The following PRR5L variants were observed in gnomAD, a reference collection of about 807,000 sequenced individuals.
The protein encoded by PRR5L is proline rich 5 like.
In PRR5L, 21 loss-of-function variants were observed where a neutral mutation model predicts 36.4. That is an observed-to-expected ratio of 0.58 (90% confidence interval 0.41 to 0.83). The LOEUF is 0.83. Ranked by LOEUF, PRR5L falls within the 40% of genes least tolerant of loss-of-function variation. The pLI is 0.00. For synonymous variants in PRR5L, 188 were observed against 197.0 expected (o/e 0.95, Z 0.38); for missense variants, 381 against 473.3 (o/e 0.80, Z 1.81).
At chr11:36,390,995 A>T (rs1049565656) in intron 1 of PRR5L, among the ~76,000 whole-genome samples, 23 of 144,578 alleles carry the variant, frequency 1.6e-4, no homozygotes, top group African/African-American at 6.0e-4. Context: ...GGTCCAGGGA[A>T]GGATTTGCAC....
At chr11:36,461,212 C>A (rs1397805994) in intron 8 of PRR5L, among the ~76,000 whole-genome samples, 1 of 152,166 alleles carries the variant, frequency 6.6e-6, no homozygotes, top group Non-Finnish European at 1.5e-5. Context: ...ACTCAGTTTT[C>A]TCATCTGGAA....
At chr11:36,402,900 A>G (rs1470764535) in intron 2 of PRR5L, among the ~76,000 whole-genome samples, 2 of 152,214 alleles carry the variant, frequency 1.3e-5, no homozygotes, top group Admixed American at 1.3e-4. Context: ...CAAGGCCACC[A>G]AGCTTCCCTG....
In PRR5L at chr11:36,401,151, C is replaced by A. The variant is rs78731804; in HGVS notation, c.30C>A (p.Pro10=). The change falls in exon 2 of 9, where the codon CCC becomes CCA. Residue 10 remains proline (P), a synonymous_variant. Transcript: ENST00000530639. MTRGFAPIL[P]VEFHKMGSFR... ...CCCGCGGCTTCGCTCCCATTCTGCCCGTCGAGTTCCACAAGATGGGCTCCT... is the reference window on the plus strand; with the variant it reads ...CCCGCGGCTTCGCTCCCATTCTGCCAGTCGAGTTCCACAAGATGGGCTCCT... The A allele has an allele frequency of 2.5e-6, 4 of 1,614,090 alleles. No homozygotes were observed. In the African/African-American group the frequency reaches 4.0e-5, roughly 16 times the overall value.
chr11:36,451,655 T>G (rs1025646551), intron 8 of PRR5L, among the ~76,000 whole-genome samples: 3 of 152,202 alleles, frequency 2.0e-5, no homozygotes, highest in African/African-American at 7.2e-5. Flanking sequence ...AATCTTTCTG[T>G]ATCTGACACC....
chr11:36,401,875 A>C (rs1158441659), intron 2 of PRR5L, among the ~76,000 whole-genome samples: 1 of 152,208 alleles, frequency 6.6e-6, no homozygotes, highest in African/African-American at 2.4e-5. Context: ...TACGGTCACT[A>C]TTCATGCTCA....
chr11:36,388,761 C>G (rs945893432), intron 1 of PRR5L, among the ~76,000 whole-genome samples: 5 of 132,970 alleles, frequency 3.8e-5, no homozygotes, highest in African/African-American at 1.4e-4. Flanking sequence ...TGCAGTGGCG[C>G]GATCTCGGCT....
In PRR5L at chr11:36,431,902, T is replaced by C; in HGVS notation, c.344T>C (p.Leu115Pro). Residue 115 changes from leucine to proline, a missense_variant, in exon 5 of 9, where the codon CTG (leucine) becomes CCG (proline). By Grantham distance (98) the Leu-to-Pro change is moderately conservative (BLOSUM62 -3). Coordinates refer to ENST00000530639, the MANE Select transcript of PRR5L (RefSeq NM_001160167.2). The stretch of plus-strand genomic sequence containing the variant: ...TTCTTTGTGGAGGAGAAGATCAAGC[T>C]GTGTGAAGGCAAGTACAAGACAGCC... Reference protein sequence around the residue: ...GLFFVEEKIKLCEGENRIEVL... With the variant: ...GLFFVEEKIKPCEGENRIEVL... The C allele has an allele frequency of 6.2e-7, 1 of 1,614,034 alleles. No individual in the cohort carries two copies. The highest frequency in any genetic ancestry group is 8.5e-7 in the Non-Finnish European group (1 of 1,179,908).
chr11:36,428,369 G>A (rs1858425825), intron 4 of PRR5L, among the ~76,000 whole-genome samples: 1 of 152,226 alleles, frequency 6.6e-6, no homozygotes, highest in Admixed American at 6.5e-5. Context: ...AACTGCAAGT[G>A]GAGGCCTTCA....
chr11:36,305,046 A>G (rs1390947011), intron 1 of PRR5L, among the ~76,000 whole-genome samples: 3 of 152,138 alleles, frequency 2.0e-5, no homozygotes, highest in African/African-American at 4.8e-5. Flanking sequence ...AGAAATAAAA[A>G]CACATGTTGC....
At chr11:36,426,314 C>T (rs956821371) in intron 4 of PRR5L, among the ~76,000 whole-genome samples, 4 of 144,742 alleles carry the variant, frequency 2.8e-5, no homozygotes, top group African/African-American at 9.8e-5. Flanking sequence ...TTTGTTAGAA[C>T]ACTTCTAATC....
chr11:36,331,340 A>G (rs1802864965), intron 1 of PRR5L, among the ~76,000 whole-genome samples: 1 of 152,196 alleles, frequency 6.6e-6, no homozygotes, highest in Non-Finnish European at 1.5e-5. Context: ...ATCAGTTTGA[A>G]GTTAAGAAGA....
At chr11:36,347,603 G>A (rs897525787) in intron 1 of PRR5L, among the ~76,000 whole-genome samples, 9 of 151,962 alleles carry the variant, frequency 5.9e-5, no homozygotes, top group Admixed American at 5.3e-4. Flanking sequence ...AGTGGAGCTT[G>A]CTGAGCCTGA....
At chr11:36,379,870 A>G (rs184883868) in intron 1 of PRR5L, among the ~76,000 whole-genome samples, 3 of 152,342 alleles carry the variant, frequency 2.0e-5, no homozygotes, top group African/African-American at 7.2e-5. Flanking sequence ...AGTCAGGTAT[A>G]GCTATGGTAA....
chr11:36,322,916 A>T (rs1277856386), intron 1 of PRR5L, among the ~76,000 whole-genome samples: 1 of 152,220 alleles, frequency 6.6e-6, no homozygotes, highest in East Asian at 1.9e-4. Flanking sequence ...TCAAGTGATC[A>T]TTAAGGCAAG....
rs1474175432 is a variant in PRR5L, at chr11:36,317,990, G to A, written c.-126+21552G>A. Reference sequence around the variant, plus strand: ...TCATATACCACATAATAACATTTTTGGTCAATGACTGCATATATGATGGTT... The same window carrying A: ...TCATATACCACATAATAACATTTTTAGTCAATGACTGCATATATGATGGTT... On this transcript the variant is annotated intron_variant, in intron 1 of 8. Coordinates refer to ENST00000530639, the MANE Select transcript of PRR5L (RefSeq NM_001160167.2). 2.0e-5 allele frequency among the ~76,000 whole-genome samples: 3 copies of A among 152,064 alleles called. No homozygotes were observed. In the East Asian group the frequency reaches 5.8e-4, roughly 29 times the overall value.
intron 1 of PRR5L, among the ~76,000 whole-genome samples, chr11:36,373,262 A>G (rs1445060350): frequency 2.2e-4 from 34 of 152,192 alleles, no homozygotes; most frequent in Non-Finnish European, 2.9e-5. Flanking sequence ...TTAATGTTTA[A>G]CTAGAATGAC....
chr11:36,356,422 A>G (rs1857028857), intron 1 of PRR5L, among the ~76,000 whole-genome samples: 1 of 152,054 alleles, frequency 6.6e-6, no homozygotes, highest in Non-Finnish European at 1.5e-5. Flanking sequence ...GAGTTGAGGG[A>G]AGTGAGAAAA....
intron 4 of PRR5L, among the ~76,000 whole-genome samples, chr11:36,427,908 C>T (rs550580481): frequency 2.6e-4 from 39 of 152,228 alleles, no homozygotes; most frequent in Non-Finnish European, 5.1e-4. Flanking sequence ...CACTGCAGCT[C>T]ATAGTGGGCA....
intron 1 of PRR5L, among the ~76,000 whole-genome samples, chr11:36,367,275 G>T (rs578113555): frequency 6.6e-6 from 1 of 152,336 alleles, no homozygotes; most frequent in Non-Finnish European, 1.5e-5. Flanking sequence ...AAAGAATTGA[G>T]ATTATTTATG....
Sources: allele counts gnomAD v4.1 joint callset (sites outside exome capture counted in the v4.1 genomes callset), GRCh38; gene constraint gnomAD v4.1.1; transcripts MANE v1.5; gene names NCBI Gene and HGNC (gene_info 2026-07-23, HGNC 2026-07-21).